The following GARIN1A variants were observed in gnomAD, a reference collection of about 807,000 sequenced individuals.
GARIN1A encodes the protein Golgi-associated RAB2 interactor protein 1A.
chr7:128,677,648 C>A, the GARIN1A span: 3 of 1,613,668 alleles, frequency 1.9e-6, no homozygotes, highest in Non-Finnish European at 2.5e-6. Context: ...CCGAAAAGAT[C>A]TACTATCTGA....
At chr7:128,677,645 GATC>G in the GARIN1A span, 1 of 1,613,740 alleles carries the variant, frequency 6.2e-7, no homozygotes, top group East Asian at 2.2e-5. Context: ...TGACCGAAAA[GATC>G]TACTATCTGA....
chr7:128,682,041 G>C, the GARIN1A span, among the ~76,000 whole-genome samples: 1 of 152,058 alleles, frequency 6.6e-6, no homozygotes. Context: ...CTGGTCCTCA[G>C]GAATCATCCT....
At chr7:128,700,969 TC>T in the GARIN1A span, among the ~76,000 whole-genome samples, 2 of 149,948 alleles carry the variant, frequency 1.3e-5, no homozygotes, top group Admixed American at 6.6e-5. Flanking sequence ...GGGGCTTGGC[TC>T]CCCCACAGAT....
the GARIN1A span, among the ~76,000 whole-genome samples, chr7:128,671,841 T>TAA: frequency 4.2e-5 from 6 of 142,308 alleles, no homozygotes; most frequent in African/African-American, 1.3e-4. Context: ...TCCATTTCTT[T>TAA]AAAAAAAAAA....
the GARIN1A span, chr7:128,678,049 CA>C: frequency 3.6e-6 from 1 of 280,316 alleles, no homozygotes; most frequent in South Asian, 3.9e-5. Context: ...GAGACAGAGC[CA>C]TGCCCTGTCA....
the GARIN1A span, among the ~76,000 whole-genome samples, chr7:128,701,752 G>A: frequency 6.6e-6 from 1 of 152,066 alleles, no homozygotes; most frequent in African/African-American, 2.4e-5. Flanking sequence ...CGTAAAGAAC[G>A]AGGAAATTAA....
chr7:128,699,599 A>T, the GARIN1A span, among the ~76,000 whole-genome samples: 1 of 152,220 alleles, frequency 6.6e-6, no homozygotes. Flanking sequence ...CAATTCAGTG[A>T]TTAAAATTTG....
chr7:128,700,279 A>ATTT, the GARIN1A span, among the ~76,000 whole-genome samples: 1 of 119,472 alleles, frequency 8.4e-6, no homozygotes. Flanking sequence ...TTTGTTTTGT[A>ATTT]TTTTGTTTTT....
chr7:128,699,643 T>C, the GARIN1A span, among the ~76,000 whole-genome samples: 11 of 152,224 alleles, frequency 7.2e-5, no homozygotes, highest in Non-Finnish European at 4.4e-5. Context: ...AATCTGGCCA[T>C]TTTTTACTTA....
chr7:128,694,993 C>T, the GARIN1A span, among the ~76,000 whole-genome samples: 1 of 152,198 alleles, frequency 6.6e-6, no homozygotes, highest in East Asian at 1.9e-4. Context: ...AGCAAGTTGC[C>T]TTCTTGCTTT....
the GARIN1A span, among the ~76,000 whole-genome samples, chr7:128,697,956 C>A: frequency 1.3e-5 from 2 of 152,250 alleles, no homozygotes; most frequent in East Asian, 3.9e-4. Flanking sequence ...GTAACTACTG[C>A]ATTCTGGGTA....
At chr7:128,696,201 A>G in the GARIN1A span, among the ~76,000 whole-genome samples, 2 of 151,792 alleles carry the variant, frequency 1.3e-5, no homozygotes, top group African/African-American at 4.8e-5. Context: ...TATTATTTGT[A>G]GAGGTGAGGT....
At chr7:128,677,875 GTC>G in the GARIN1A span, 1 of 1,386,074 alleles carries the variant, frequency 7.2e-7, no homozygotes, top group Non-Finnish European at 9.8e-7. Context: ...ATATGTAAGT[GTC>G]TGTGTATATA....
the GARIN1A span, among the ~76,000 whole-genome samples, chr7:128,700,026 T>C: frequency 6.6e-6 from 1 of 152,194 alleles, no homozygotes; most frequent in African/African-American, 2.4e-5. Flanking sequence ...ACCAGCTTTC[T>C]TTTGTTAGTA....
the GARIN1A span, chr7:128,672,567 C>T: frequency 1.9e-6 from 3 of 1,540,678 alleles, no homozygotes; most frequent in East Asian, 2.6e-5. Flanking sequence ...TCGTGGAGCT[C>T]AGGGCCAGCT....
At chr7:128,704,764 C>T in the GARIN1A span, among the ~76,000 whole-genome samples, 29 of 152,314 alleles carry the variant, frequency 1.9e-4, no homozygotes, top group Non-Finnish European at 3.8e-4. Flanking sequence ...ACAGATGAAG[C>T]TTCACTCACT....
At chr7:128,693,250 C>T in the GARIN1A span, among the ~76,000 whole-genome samples, 1 of 152,208 alleles carries the variant, frequency 6.6e-6, no homozygotes, top group African/African-American at 2.4e-5. Flanking sequence ...CCATTACATG[C>T]AAAGAAATAG....
the GARIN1A span, among the ~76,000 whole-genome samples, chr7:128,675,433 TA>T: frequency 9.2e-6 from 1 of 108,952 alleles, no homozygotes; most frequent in Non-Finnish European, 1.9e-5. Flanking sequence ...TTTAGTTAGA[TA>T]AAACAGTTAT....
At chr7:128,704,544 ATC>A in the GARIN1A span, among the ~76,000 whole-genome samples, 160 of 152,200 alleles carry the variant, frequency 1.1e-3, no homozygotes, top group African/African-American at 3.7e-3. Flanking sequence ...ACTTCAGGTA[ATC>A]TGTCTACCTC....
Sources: gnomAD v4.1 joint callset for allele counts (sites outside exome capture counted in the v4.1 genomes callset) on GRCh38, gnomAD v4.1.1 for gene constraint, MANE v1.5 for transcripts, NCBI Gene and HGNC (gene_info 2026-07-23, HGNC 2026-07-21) for gene names.